Variants in RAB10 observed in about 807,000 individuals in gnomAD.
RAB10 encodes the protein RAB10, member RAS oncogene family, also known as ras-related protein Rab-10.
RAB10 carries 5 observed loss-of-function variants against 25.7 expected under a neutral mutation model. The observed-to-expected ratio is 0.19, with a 90% CI of 0.10 to 0.41. The LOEUF (loss-of-function observed/expected upper bound fraction) is 0.41. Ranked by LOEUF, RAB10 falls within the 10% of genes least tolerant of loss-of-function variation. The probability of loss-of-function intolerance (pLI) is 1.00; values close to 1 mark genes in which losing one functional copy is unlikely to be tolerated. For missense variants in RAB10, 103 were observed against 245.8 expected (o/e 0.42, Z 3.89); for synonymous variants, 89 against 86.4 (o/e 1.03, Z -0.16).
intron 3 of RAB10, among the ~76,000 whole-genome samples, chr2:26,113,562 A>G (rs1667623808): frequency 1.1e-5 from 1 of 91,896 alleles, no homozygotes; most frequent in Non-Finnish European, 2.1e-5. Context: ...CGACAGAGCA[A>G]GACTCTGTCT....
At chr2:26,130,241 T>A (rs1450803221) in intron 5 of RAB10, among the ~76,000 whole-genome samples, 1 of 152,208 alleles carries the variant, frequency 6.6e-6, no homozygotes, top group Non-Finnish European at 1.5e-5. Context: ...ATCTATATTA[T>A]TTATTGTTCT....
In RAB10 at chr2:26,093,802, C is replaced by G. The variant is rs559447149; in HGVS notation, c.128-4860C>G. On this transcript the variant is annotated intron_variant, in intron 1 of 5. Transcript: ENST00000264710. Reference sequence around the variant, plus strand: ...AGAAAACAAATCAACTTGTCATTTTCAAAAACTTACCCTGGCTGTAATCTC... The same window carrying G: ...AGAAAACAAATCAACTTGTCATTTTGAAAAACTTACCCTGGCTGTAATCTC... 3.9e-5 allele frequency among the ~76,000 whole-genome samples: 6 copies of G among 152,302 alleles called. No individual in the cohort carries two copies. In the South Asian group the frequency reaches 1.2e-3, roughly 32 times the overall value.
At chr2:26,085,823 C>A (rs909742873) in intron 1 of RAB10, among the ~76,000 whole-genome samples, 1 of 151,320 alleles carries the variant, frequency 6.6e-6, no homozygotes, top group Non-Finnish European at 1.5e-5. Context: ...ATGGAGAAAC[C>A]CTGTCTCTAC....
At chr2:26,078,201 A>T (rs995753506) in intron 1 of RAB10, among the ~76,000 whole-genome samples, 1 of 152,196 alleles carries the variant, frequency 6.6e-6, no homozygotes, top group Non-Finnish European at 1.5e-5. Flanking sequence ...ATGGAAGGGC[A>T]TCCAATGTCT....
chr2:26,117,334 C>T (rs544404137), intron 3 of RAB10, among the ~76,000 whole-genome samples: 7 of 152,048 alleles, frequency 4.6e-5, no homozygotes, highest in East Asian at 1.9e-4. Context: ...TGGGAAGGTC[C>T]GGGTGCGGGG....
intron 1 of RAB10, among the ~76,000 whole-genome samples, chr2:26,047,723 G>T (rs1408806777): frequency 3.0e-4 from 32 of 107,842 alleles, no homozygotes; most frequent in East Asian, 5.5e-4. Flanking sequence ...TGCCTGGCCT[G>T]TTTTTTTTTT....
Position 26,127,242 on chromosome 2 carries a change from C to T in RAB10, c.417+9C>T. On this transcript the variant is annotated intron_variant, in intron 4 of 5. Transcript: ENST00000264710. ...AAGGAAAAGGAGAACAGGTAAAAAT[C>T]TGAATTAAACTGATACTCTGCTCTG... 6.5e-7 allele frequency: 1 copy of T among 1,530,308 alleles called. No individual in the cohort carries two copies. Among genetic ancestry groups the T allele is most frequent in the Non-Finnish European group, 8.9e-7 (1 of 1,118,706 alleles). The allele number at this position is 1,530,308 out of a possible 1,614,324, so 94.8% of individuals were successfully genotyped here. A position where few individuals can be genotyped will look rare whatever the true frequency, so the allele number is the denominator to read the frequency against.
At chr2:26,069,762 G>A (rs1666586272) in intron 1 of RAB10, among the ~76,000 whole-genome samples, 1 of 151,638 alleles carries the variant, frequency 6.6e-6, no homozygotes, top group African/African-American at 2.4e-5. Flanking sequence ...CTGGAGAGCA[G>A]TGGCATGATC....
intron 3 of RAB10, among the ~76,000 whole-genome samples, chr2:26,121,637 T>G (rs1200062734): frequency 6.6e-6 from 1 of 152,198 alleles, no homozygotes; most frequent in Non-Finnish European, 1.5e-5. Context: ...CTAAAGTATA[T>G]GTAGATACTA....
rs116092001 is a variant in RAB10 at position 26,109,586 on chromosome 2, T to A, written c.189-182T>A. 3.0e-3 allele frequency among the ~76,000 whole-genome samples: 453 copies of A among 152,284 alleles called. 4 individuals carry two copies. The highest frequency in any genetic ancestry group is 5.1e-3 in the Non-Finnish European group (350 of 68,010). ...CTAGTGCTTATTCAATAAACTTGAG[T>A]TTTATGTGTCACTTCCTACTGTTTT... On this transcript the variant is annotated intron_variant, in intron 2 of 5. Coordinates refer to ENST00000264710, the MANE Select transcript of RAB10 (RefSeq NM_016131.5).
chr2:26,082,159 A>G (rs1229916070), intron 1 of RAB10, among the ~76,000 whole-genome samples: 2 of 152,184 alleles, frequency 1.3e-5, no homozygotes, highest in African/African-American at 4.8e-5. Context: ...TGTAACAAAG[A>G]AATTTTAAAA....
intron 1 of RAB10, among the ~76,000 whole-genome samples, chr2:26,096,208 CCTGT>C (rs1667206419): frequency 6.6e-6 from 1 of 152,100 alleles, no homozygotes; most frequent in Non-Finnish European, 1.5e-5. Flanking sequence ...AGATGTTAGC[CCTGT>C]CTTTCACTTT....
At chr2:26,058,852 A>G (rs1666326204) in intron 1 of RAB10, among the ~76,000 whole-genome samples, 1 of 152,034 alleles carries the variant, frequency 6.6e-6, no homozygotes, top group Admixed American at 6.6e-5. Context: ...TCCAGTTCAG[A>G]TCTACCATTC....
Position 26,041,263 on chromosome 2 carries a change from G to A in RAB10, c.127+6528G>A, listed in dbSNP as rs567627270. Among the ~76,000 whole-genome samples the A allele has an allele frequency of 4.3e-4, 66 of 152,144 alleles. 2 individuals carry two copies. The South Asian group carries it at 0.013, about 30-fold the overall frequency. ...AGACTTACCAATATTAGCTGTGGCC[G>A]GGCGCAGTGGCTCATGCCTGTAATC... On this transcript the variant is annotated intron_variant, in intron 1 of 5. Coordinates refer to ENST00000264710, the MANE Select transcript of RAB10 (RefSeq NM_016131.5).
At chr2:26,049,822 A>T (rs1024921984) in intron 1 of RAB10, among the ~76,000 whole-genome samples, 1 of 152,202 alleles carries the variant, frequency 6.6e-6, no homozygotes, top group Non-Finnish European at 1.5e-5. Context: ...GTAGCCTACT[A>T]TATTTCCTTT....
chr2:26,114,761 C>T (rs942007704), intron 3 of RAB10, among the ~76,000 whole-genome samples: 1 of 139,686 alleles, frequency 7.2e-6, no homozygotes, highest in African/African-American at 3.2e-5. Context: ...AAAAATTAGT[C>T]GGGTATGGTG....
At chr2:26,081,816 T>G (rs868415796) in intron 1 of RAB10, among the ~76,000 whole-genome samples, 63 of 152,208 alleles carry the variant, frequency 4.1e-4, no homozygotes, top group African/African-American at 1.5e-3. Flanking sequence ...AATATTTAAG[T>G]TCAGAAAGGA....
intron 4 of RAB10, 106 bp from the exon 5 acceptor site, chr2:26,127,744 G>A: frequency 1.3e-6 from 1 of 752,472 alleles, no homozygotes; most frequent in Non-Finnish European, 2.3e-6. Context: ...ATATATTCTA[G>A]TTGGGACCAC....
chr2:26,074,021 C>T (rs1215872302), intron 1 of RAB10, among the ~76,000 whole-genome samples: 1 of 152,104 alleles, frequency 6.6e-6, no homozygotes, highest in East Asian at 1.9e-4. Context: ...GAAAAACTGG[C>T]AACGGAATTT....
Sources: gnomAD v4.1 joint callset for allele counts (sites outside exome capture counted in the v4.1 genomes callset) on GRCh38, gnomAD v4.1.1 for gene constraint, MANE v1.5 for transcripts, NCBI Gene and HGNC (gene_info 2026-07-23, HGNC 2026-07-21) for gene names.